The following CAPN12 variants were observed in gnomAD, a reference collection of about 807,000 sequenced individuals.
CAPN12 encodes the protein calpain-12.
Under a neutral mutation model 95.0 loss-of-function variants are expected in CAPN12, and 107 were observed. The observed-to-expected ratio is 1.13, with a 90% CI of 0.96 to 1.32. The LOEUF is 1.32. Ranked by LOEUF, CAPN12 falls within the 40% of genes most tolerant of loss-of-function variation. The pLI, the probability that CAPN12 is intolerant of heterozygous loss-of-function variation, is 0.00. For missense variants in CAPN12, 1,136 were observed against 997.8 expected (o/e 1.14, Z -1.87); for synonymous variants, 505 against 415.5 (o/e 1.22, Z -2.62).
intron 2 of CAPN12, 97 bp downstream of exon 2, chr19:38,742,936 C>T (rs1271279765): frequency 9.5e-7 from 1 of 1,054,486 alleles, no homozygotes; most frequent in Non-Finnish European, 1.4e-6. Flanking sequence ...GAGGAGGGAT[C>T]CAGGGGCCGG....
intron 5 of CAPN12, 100 bp downstream of exon 5, chr19:38,739,951 C>T (rs768637437): frequency 8.1e-5 from 102 of 1,251,626 alleles, no homozygotes; most frequent in Non-Finnish European, 9.8e-5. Context: ...AAGCCAGTAA[C>T]GGAAGCAGAG....
Position 38,738,446 on chromosome 19 carries a change from C to T in CAPN12, c.862G>A (p.Val288Met), listed in dbSNP as rs781388473. ...TCGCTCCAGGCCCCCGTCCACTCCA[C>T]GCAGCCCCATGGGTTCCGCAGCCGC... is the stretch of plus-strand genomic sequence containing the variant. ...LLRLRNPWGC[V>M]EWTGAWSDSC... The change falls in exon 7 of 21, where the codon GTG (valine) becomes ATG (methionine). Residue 288 changes from valine to methionine, a missense_variant. Physicochemically the swap from Val to Met is conservative, Grantham distance 21. Coordinates refer to ENST00000328867, the MANE Select transcript of CAPN12 (RefSeq NM_144691.4). 58 of 1,609,926 alleles carry T rather than the reference C, an allele frequency of 3.6e-5. No individual in the cohort carries two copies. In the East Asian group the frequency reaches 9.1e-4, roughly 25 times the overall value.
At chr19:38,732,740 GCCC>G (rs1294552349) in intron 18 of CAPN12, among the ~76,000 whole-genome samples, 1 of 151,976 alleles carries the variant, frequency 6.6e-6, no homozygotes, top group Non-Finnish European at 1.5e-5. Context: ...AGTCACCCCA[GCCC>G]CCATCTCCCT....
intron 17 of CAPN12, 70 bp downstream of exon 17, chr19:38,734,072 A>T (rs1348583254): frequency 6.5e-7 from 1 of 1,550,338 alleles, no homozygotes; most frequent in African/African-American, 1.4e-5. Context: ...CTGATAGCCC[A>T]CAGGGTGCCT....
intron 10 of CAPN12, chr19:38,736,940 G>A (rs1225164233): frequency 2.9e-4 from 20 of 69,922 alleles, no homozygotes; most frequent in African/African-American, 2.6e-3. Flanking sequence ...TCCCAGCGCC[G>A]CCCCCTCTTG....
chr19:38,735,571 AGGGGGCTGTTTGCCCCAGCT>A, intron 12 of CAPN12, 27 bp from the exon 13 acceptor site: 1 of 1,598,510 alleles, frequency 6.3e-7, no homozygotes, highest in Non-Finnish European at 8.5e-7. Flanking sequence ...GGAAGTGGGG[AGGGGGCTGTTTGCCCCAGCT>A]GGGGCTGTGT....
In CAPN12 at chr19:38,737,259, C is replaced by G; in HGVS notation, c.1259G>C (p.Arg420Pro). The change falls in exon 10 of 21, where the codon CGC becomes CCC. Residue 420 changes from arginine (R) to proline (P), a missense_variant. Physicochemically the swap from Arg to Pro is moderately radical, Grantham distance 103. Coordinates refer to ENST00000328867, the MANE Select transcript of CAPN12 (RefSeq NM_144691.4). ...CAGAAGGACCGTGCACTTGGGCGTGCGGCCCCCCCGCGCTGGGCCCCGTGC... is the reference window on the plus strand; with the variant it reads ...CAGAAGGACCGTGCACTTGGGCGTGGGGCCCCCCCGCGCTGGGCCCCGTGC... ...AGARGPARGG[R>P]TPKCTVLLSL... 1 of 1,549,690 alleles carries G rather than the reference C, an allele frequency of 6.5e-7. No homozygotes were observed.
At chr19:38,732,695 C>A (rs1479774918) in intron 18 of CAPN12, among the ~76,000 whole-genome samples, 1 of 152,186 alleles carries the variant, frequency 6.6e-6, no homozygotes, top group East Asian at 1.9e-4. Flanking sequence ...CAGCCACACC[C>A]AAACCCTCTC....
intron 14 of CAPN12, 118 bp downstream of exon 14, chr19:38,735,252 G>T: frequency 2.0e-6 from 2 of 1,007,156 alleles, no homozygotes; most frequent in Non-Finnish European, 2.9e-6. Flanking sequence ...GGAGATTTAA[G>T]CCCGGAGGGA....
intron 4 of CAPN12, 36 bp downstream of exon 4, chr19:38,741,741 C>T (rs773259272): frequency 2.5e-6 from 4 of 1,611,186 alleles, no homozygotes; most frequent in East Asian, 2.2e-5. Flanking sequence ...GCTGTGGGGA[C>T]TTAGGGCTGC....
chr19:38,737,318 C>T lies in CAPN12; in HGVS notation c.1200G>A (p.Glu400=), dbSNP rs773144636. The T allele has an allele frequency of 1.5e-5, 24 of 1,579,730 alleles. No individual in the cohort carries two copies. The Admixed American group carries it at 4.2e-4, about 27-fold the overall frequency. The change falls in exon 10 of 21, where the codon GAG becomes GAA. Residue 400 remains glutamate, a synonymous_variant. Transcript: ENST00000328867. ...CCCCCCAGCCCCCCCAGGGCCCTTC[C>T]TCATCCTCGTCATCCTCCTCATCAG... The part of the protein sequence containing the change: ...LEPDEEDDED[E]EGPWGGWGAA...
At chr19:38,743,875 CCT>C in intron 1 of CAPN12, 52 bp downstream of exon 1, 1 of 1,527,572 alleles carries the variant, frequency 6.5e-7, no homozygotes, top group Admixed American at 1.7e-5. Flanking sequence ...GGAGTCCATG[CCT>C]CCAGCCCCTC....
Position 38,744,036 on chromosome 19 carries a change from T to A in CAPN12, c.130A>T (p.Ile44Phe), listed in dbSNP as rs1200878982. Reference sequence around the variant, plus strand: ...GGGAAGTAAGGGTCGCGGAACAGGATCCCCGAATCCAGGCAGGCTGCCCGA... The same window carrying A: ...GGGAAGTAAGGGTCGCGGAACAGGAACCCCGAATCCAGGCAGGCTGCCCGA... ...AIRAACLDSGILFRDPYFPAG... is the reference protein window; with the variant it reads ...AIRAACLDSGFLFRDPYFPAG... The change falls in exon 1 of 21, where the codon ATC becomes TTC. Residue 44 changes from isoleucine to phenylalanine, a missense_variant. Physicochemically the swap from Ile to Phe is conservative, Grantham distance 21. Transcript: ENST00000328867. The A allele has an allele frequency of 1.2e-6, 2 of 1,614,150 alleles. No homozygotes were observed. Among genetic ancestry groups the A allele is most frequent in the Non-Finnish European group, 1.7e-6 (2 of 1,180,030 alleles).
chr19:38,731,267 C>CA, intron 18 of CAPN12, 44 bp from the exon 19 acceptor site: 1 of 1,520,610 alleles, frequency 6.6e-7, no homozygotes, highest in Non-Finnish European at 9.1e-7. Context: ...ACAGGGAACC[C>CA]ACCTTGGCAT....
intron 15 of CAPN12, 92 bp downstream of exon 15, chr19:38,734,721 G>T: frequency 8.5e-7 from 1 of 1,170,902 alleles, no homozygotes; most frequent in Non-Finnish European, 1.2e-6. Context: ...TCCCAGCAGC[G>T]CGGTGGGTTC....
At position 38,737,536 on chromosome 19, in the gene CAPN12, G is replaced by A. The variant is rs749201043; in HGVS notation, c.1068C>T (p.Val356=). The A allele has an allele frequency of 2.5e-6, 4 of 1,612,564 alleles. No individual in the cohort carries two copies. The highest frequency in any genetic ancestry group is 2.5e-6 in the Non-Finnish European group (3 of 1,179,900). Residue 356 remains valine (V), a synonymous_variant, in exon 9 of 21, where the codon GTC becomes GTT. Transcript: ENST00000328867. ...GCACCCAGCGGCCTTGGAAGGTGTG[G>A]ACGTGCCAGCCGCCCCCCTCCGGGC... The part of the protein sequence containing the change: ...GPSPEGGGWH[V]HTFQGRWVRG...
rs928226560 is a variant in CAPN12, at chr19:38,733,748, C to T, written c.1912G>A (p.Gly638Arg). Residue 638 changes from glycine (G) to arginine (R), a missense_variant, in exon 18 of 21, where the codon GGA (glycine) becomes AGA (arginine). Coordinates refer to ENST00000328867, the MANE Select transcript of CAPN12 (RefSeq NM_144691.4). ...CTCAGCTCGTAGGAGTTCATGGTTC[C>T]AGAGGTGTCCTCATCGAACTTGTTA... ...IFNKFDEDTS[G>R]TMNSYELRLA... 1.3e-5 allele frequency: 21 copies of T among 1,613,544 alleles called. No individual in the cohort carries two copies. Among genetic ancestry groups the T allele is most frequent in the East Asian group, 4.5e-5 (2 of 44,902 alleles).
At position 38,730,959 on chromosome 19, in the gene CAPN12, G is replaced by A; in HGVS notation, c.2133+6C>T. The A allele has an allele frequency of 6.4e-7, 1 of 1,550,604 alleles. No individual in the cohort carries two copies. Among genetic ancestry groups the A allele is most frequent in the East Asian group, 2.4e-5 (1 of 40,934 alleles). ...TGAGCCACCCTGTCCCTCCCACCTGGCTCACCTGTCTGTGGGTCAGGCAGA... is the reference window on the plus strand; with the variant it reads ...TGAGCCACCCTGTCCCTCCCACCTGACTCACCTGTCTGTGGGTCAGGCAGA... On this transcript the variant is annotated splice_donor_region_variant and intron_variant, in intron 20 of 20. Transcript: ENST00000328867.
At chr19:38,734,936 C>A in intron 14 of CAPN12, 66 bp from the exon 15 acceptor site, 1 of 1,509,744 alleles carries the variant, frequency 6.6e-7, no homozygotes, top group South Asian at 1.2e-5. Flanking sequence ...AAGCCCTGTG[C>A]TAGGGACACG....
Sources: gnomAD v4.1 joint callset for allele counts (sites outside exome capture counted in the v4.1 genomes callset) on GRCh38, gnomAD v4.1.1 for gene constraint, MANE v1.5 for transcripts, NCBI Gene and HGNC (gene_info 2026-07-23, HGNC 2026-07-21) for gene names.